Variants in GLDN observed in about 807,000 individuals in gnomAD.
GLDN encodes the protein gliomedin, also known as collomin.
GLDN carries 47 observed loss-of-function variants against 56.5 expected under a neutral mutation model. The ratio of observed to expected loss-of-function variants is 0.83; its 90% CI spans 0.66 to 1.06. GLDN has a LOEUF of 1.06. Among genes scored for constraint, GLDN ranks in the 50% least tolerant of loss-of-function variants. The probability of loss-of-function intolerance (pLI) is 0.00; values close to 1 mark genes in which losing one functional copy is unlikely to be tolerated. For synonymous variants in GLDN, 332 were observed against 278.8 expected (o/e 1.19, Z -1.90); for missense variants, 782 against 714.3 (o/e 1.09, Z -1.08).
chr15:51,349,433 T>A (rs2037035908), intron 1 of GLDN, among the ~76,000 whole-genome samples: 1 of 152,246 alleles, frequency 6.6e-6, no homozygotes, highest in African/African-American at 2.4e-5. Context: ...GTACAGGCTA[T>A]GAAGAATGGC....
At chr15:51,349,937 G>A (rs1225897655) in intron 1 of GLDN, among the ~76,000 whole-genome samples, 2 of 152,024 alleles carry the variant, frequency 1.3e-5, no homozygotes, top group African/African-American at 4.8e-5. Flanking sequence ...TAGAGACGGG[G>A]TTTCACCGTG....
chr15:51,353,632 C>T (rs1164489009), intron 1 of GLDN, among the ~76,000 whole-genome samples: 2 of 138,188 alleles, frequency 1.4e-5, no homozygotes, highest in Admixed American at 7.6e-5. Context: ...AGAGAAAGAA[C>T]AATTTTACTT....
chr15:51,357,019 C>T (rs1312133358), intron 1 of GLDN, among the ~76,000 whole-genome samples: 1 of 152,088 alleles, frequency 6.6e-6, no homozygotes, highest in Admixed American at 6.6e-5. Flanking sequence ...TACTGTTTTC[C>T]AGATAGGTGT....
At chr15:51,392,287 A>G (rs929624675) in intron 4 of GLDN, among the ~76,000 whole-genome samples, 2 of 152,180 alleles carry the variant, frequency 1.3e-5, no homozygotes, top group Non-Finnish European at 2.9e-5. Context: ...GCAAAGCTTC[A>G]TCTGTATTTA....
chr15:51,399,519 G>A (rs985051420), intron 6 of GLDN, among the ~76,000 whole-genome samples: 6 of 152,158 alleles, frequency 3.9e-5, no homozygotes, highest in Non-Finnish European at 7.3e-5. Context: ...ATAACCTGAG[G>A]AGGATGAGTC....
At chr15:51,363,012 G>C (rs1418024608) in intron 1 of GLDN, among the ~76,000 whole-genome samples, 2 of 152,158 alleles carry the variant, frequency 1.3e-5, no homozygotes, top group Admixed American at 6.5e-5. Context: ...GCAATGGGAA[G>C]GAAAGATTTG....
chr15:51,355,770 A>T lies in GLDN; in HGVS notation c.363+13723A>T, dbSNP rs540015250. ...GATCTCCTGACTTTGTGATCTGCCC[A>T]CCTTGGCCTCCCAAAGTGCTGGGAT... On this transcript the variant is annotated intron_variant, in intron 1 of 9. Transcript: ENST00000335449. 2.0e-3 allele frequency among the ~76,000 whole-genome samples: 297 copies of T among 148,278 alleles called. 1 individual carries two copies. Among genetic ancestry groups the T allele is most frequent in the African/African-American group, 6.1e-3 (248 of 40,624 alleles).
intron 1 of GLDN, among the ~76,000 whole-genome samples, chr15:51,343,387 G>A (rs373749369): frequency 1.2e-4 from 18 of 152,042 alleles, no homozygotes; most frequent in East Asian, 7.7e-4. Context: ...ATTCATTCTC[G>A]CCCTTTCAGC....
At position 51,383,850 on chromosome 15, in the gene GLDN, C is replaced by T; in HGVS notation, c.499C>T (p.Pro167Ser). ...GLDGQPGPQG[P>S]KGEKGANGKR... ...GGATGGACAGCCTGGTCCTCAGGGC[C>T]CAAAAGGAGAAAAAGGAGCAAATGG... Residue 167 changes from proline to serine, a missense_variant, in exon 4 of 10, where the codon CCA becomes TCA. Physicochemically the swap from Pro to Ser is moderately conservative, Grantham distance 74. Coordinates refer to ENST00000335449, the MANE Select transcript of GLDN (RefSeq NM_181789.4). 6.2e-7 allele frequency: 1 copy of T among 1,612,486 alleles called. No homozygotes were observed. The highest frequency in any genetic ancestry group is 8.5e-7 in the Non-Finnish European group (1 of 1,179,656).
intron 1 of GLDN, among the ~76,000 whole-genome samples, chr15:51,369,920 A>G (rs2037480613): frequency 6.6e-6 from 1 of 152,200 alleles, no homozygotes; most frequent in Non-Finnish European, 1.5e-5. Context: ...GTTCAAGACC[A>G]GCCTAGATAA....
At chr15:51,399,372 G>T (rs533460554) in intron 6 of GLDN, among the ~76,000 whole-genome samples, 1 of 152,278 alleles carries the variant, frequency 6.6e-6, no homozygotes, top group Admixed American at 6.5e-5. Flanking sequence ...TGGGCCTGAG[G>T]TTCAGTCCAT....
chr15:51,393,799 C>T (rs2038070018), intron 4 of GLDN, among the ~76,000 whole-genome samples: 1 of 152,230 alleles, frequency 6.6e-6, no homozygotes, highest in Admixed American at 6.5e-5. Flanking sequence ...AAGGCTGACA[C>T]AAGCTGTTAC....
chr15:51,404,691 A>G lies in GLDN; in HGVS notation c.1593A>G (p.Ser531=). The change falls in exon 10 of 10, where the codon TCA becomes TCG. Residue 531 remains serine (S), a synonymous_variant. Transcript: ENST00000335449. ...AYNMRDQHLY[S]WEDGHLMLYP... is the part of the protein sequence containing the mutation. ...ACATGAGAGATCAGCATTTATATTC[A>G]TGGGAAGATGGCCATTTAATGCTTT... is the stretch of plus-strand genomic sequence containing the variant. 6.2e-7 allele frequency: 1 copy of G among 1,612,488 alleles called. No homozygotes were observed. Among genetic ancestry groups the G allele is most frequent in the Non-Finnish European group, 8.5e-7 (1 of 1,178,522 alleles).
chr15:51,402,882 A>C (rs2038285649), intron 9 of GLDN, among the ~76,000 whole-genome samples: 1 of 152,058 alleles, frequency 6.6e-6, no homozygotes, highest in Non-Finnish European at 1.5e-5. Context: ...TGGCCACCCC[A>C]TTTGGGCAGT....
At chr15:51,362,481 T>C (rs1462536831) in intron 1 of GLDN, among the ~76,000 whole-genome samples, 2 of 104,130 alleles carry the variant, frequency 1.9e-5, no homozygotes, top group East Asian at 5.6e-4. Flanking sequence ...CGAGACTCTG[T>C]CTTAAAAAAA....
Position 51,341,971 on chromosome 15 carries a change from A to G in GLDN, c.287A>G (p.His96Arg), listed in dbSNP as rs2036892511. The G allele has an allele frequency of 6.3e-7, 1 of 1,597,504 alleles. No homozygotes were observed. The highest frequency in any genetic ancestry group is 8.5e-7 in the Non-Finnish European group (1 of 1,179,504). Residue 96 changes from histidine to arginine, a missense_variant, in exon 1 of 10, where the codon CAC becomes CGC. Physicochemically the swap from His to Arg is conservative, Grantham distance 29. Transcript: ENST00000335449. ...PASSARNKRS[H>R]SGEPAPHIRA... ...AGCTCAGCTCGCAACAAGCGCAGCC[A>G]CAGCGGCGAGCCCGCGCCGCATATC... is the stretch of plus-strand genomic sequence containing the variant.
At chr15:51,390,599 G>A (rs1399126960) in intron 4 of GLDN, among the ~76,000 whole-genome samples, 2 of 152,096 alleles carry the variant, frequency 1.3e-5, no homozygotes, top group Non-Finnish European at 2.9e-5. Flanking sequence ...TCAGGACTGG[G>A]TTTTGTGTGA....
chr15:51,412,806 G>C (rs902512500), downstream of GLDN, among the ~76,000 whole-genome samples: 31 of 152,016 alleles, frequency 2.0e-4, no homozygotes, highest in Non-Finnish European at 2.6e-4. Context: ...TTAAAATGCA[G>C]CTACATCTAT....
At chr15:51,359,210 C>T (rs999285784) in intron 1 of GLDN, among the ~76,000 whole-genome samples, 2 of 152,162 alleles carry the variant, frequency 1.3e-5, no homozygotes, top group Non-Finnish European at 2.9e-5. Context: ...GTCCCTTTTT[C>T]CCTCTCAGAC....
Sources: gnomAD v4.1 joint callset for allele counts (sites outside exome capture counted in the v4.1 genomes callset) on GRCh38, gnomAD v4.1.1 for gene constraint, MANE v1.5 for transcripts, NCBI Gene and HGNC (gene_info 2026-07-23, HGNC 2026-07-21) for gene names.